The following COQ7 variants were observed in gnomAD, a reference collection of about 807,000 sequenced individuals.
The protein encoded by COQ7 is coenzyme Q7, hydroxylase.
A neutral mutation model predicts 25.0 loss-of-function variants in COQ7; 21 were observed. The ratio of observed to expected loss-of-function variants is 0.84; its 90% CI spans 0.60 to 1.21. The LOEUF (loss-of-function observed/expected upper bound fraction) is 1.21. Ranked by LOEUF, COQ7 falls within the 50% of genes most tolerant of loss-of-function variation. The probability of loss-of-function intolerance (pLI) is 0.00; values close to 1 mark genes in which losing one functional copy is unlikely to be tolerated. For missense variants in COQ7, 311 were observed against 296.2 expected (o/e 1.05, Z -0.37); for synonymous variants, 125 against 112.4 (o/e 1.11, Z -0.71).
chr16:19,075,953 G>A, intron 4 of COQ7, 93 bp downstream of exon 4: 2 of 1,533,684 alleles, frequency 1.3e-6, no homozygotes, highest in Non-Finnish European at 1.8e-6. Context: ...ATTGTTAGGG[G>A]ATGATGGGGG....
intron 2 of COQ7, among the ~76,000 whole-genome samples, chr16:19,072,951 G>A (rs752606769): frequency 6.6e-6 from 1 of 152,066 alleles, no homozygotes. Context: ...CCAATGGATC[G>A]CTTGAGCCCA....
At chr16:19,071,411 C>T (rs908449994) in intron 1 of COQ7, among the ~76,000 whole-genome samples, 1 of 152,266 alleles carries the variant, frequency 6.6e-6, no homozygotes, top group African/African-American at 2.4e-5. Flanking sequence ...GTTAGGATTA[C>T]AGGCATGAGC....
downstream of COQ7, among the ~76,000 whole-genome samples, chr16:19,080,948 A>T (rs1963087261): frequency 6.6e-6 from 1 of 152,174 alleles, no homozygotes; most frequent in African/African-American, 2.4e-5. Context: ...CAATATCTTT[A>T]GATTGTGATA....
At chr16:19,077,589 G>GTTTTTTTTTTTTTTTTTTTT (rs1413837387) in intron 5 of COQ7, among the ~76,000 whole-genome samples, 1 of 18,608 alleles carries the variant, frequency 5.4e-5, no homozygotes, top group Non-Finnish European at 1.8e-4. Flanking sequence ...TTCCCCAGAA[G>GTTTTTTTTTTTTTTTTTTTT]CTTTTTTTTT....
In COQ7 at chr16:19,067,624, A is replaced by C; in HGVS notation, c.-41A>C. On this transcript the variant is annotated 5_prime_UTR_variant, in exon 1 of 6. Transcript: ENST00000321998. ...GTCCGAGCCAAGGGCACTATTGGCC[A>C]GTTCCGTTCAACGAAGTGGTTGCTT... 14 of 1,612,074 alleles carry C rather than the reference A, an allele frequency of 8.7e-6. No homozygotes were observed. The highest frequency in any genetic ancestry group is 1.2e-5 in the Non-Finnish European group (14 of 1,178,310).
rs60523088 is a variant in COQ7, at chr16:19,077,590, C to CTTTTTTTTTT, written c.576+221_576+230dup. On this transcript the variant is annotated intron_variant, in intron 5 of 5. Coordinates refer to ENST00000321998, the MANE Select transcript of COQ7 (RefSeq NM_016138.5). ...TATGCCTTCTCCTTTTCCCCAGAAG[C>CTTTTTTTTTT]TTTTTTTTTTTTTTCCCAGACACAG... 3.4e-4 allele frequency among the ~76,000 whole-genome samples: 25 copies of CTTTTTTTTTT among 74,398 alleles called. 4 individuals carry two copies. Among genetic ancestry groups the CTTTTTTTTTT allele is most frequent in the Middle Eastern group, 0.011 (1 of 90 alleles). The allele number at this position is 74,398 out of a possible 152,430, so 48.8% of individuals were successfully genotyped here.
chr16:19,077,580 T>C (rs1442856274), intron 5 of COQ7, among the ~76,000 whole-genome samples: 1 of 150,568 alleles, frequency 6.6e-6, no homozygotes, highest in Non-Finnish European at 1.5e-5. Context: ...CTTCTCCTTT[T>C]CCCCAGAAGC....
chr16:19,067,805 T>A (rs1182135769), intron 1 of COQ7, 68 bp downstream of exon 1: 10 of 1,568,916 alleles, frequency 6.4e-6, no homozygotes, highest in Non-Finnish European at 6.8e-6. Flanking sequence ...GCTTGAGGTT[T>A]GGGTCGAAGA....
intron 1 of COQ7, among the ~76,000 whole-genome samples, chr16:19,070,814 G>A (rs1435411241): frequency 2.0e-5 from 3 of 151,744 alleles, no homozygotes; most frequent in Non-Finnish European, 4.4e-5. Context: ...TGACCCTTAG[G>A]TCACTATTTT....
intron 1 of COQ7, chr16:19,068,359 A>C (rs906939832): frequency 1.4e-4 from 142 of 989,992 alleles, no homozygotes; most frequent in Non-Finnish European, 1.7e-4. Context: ...TGCCTTAGAA[A>C]ATTGTCATGA....
In COQ7 at chr16:19,077,603, T is replaced by TTTTTTTTTTTTTTTTTTTTC. The variant is rs1001368417; in HGVS notation, c.576+230_576+231insTTTTTTTTTTTTTTTTTTCT. On this transcript the variant is annotated intron_variant, in intron 5 of 5. Coordinates refer to ENST00000321998, the MANE Select transcript of COQ7 (RefSeq NM_016138.5). The stretch of plus-strand genomic sequence containing the variant: ...TTTCCCCAGAAGCTTTTTTTTTTTT[T>TTTTTTTTTTTTTTTTTTTTC]TCCCAGACACAGTCTCACTCTGTCT... Among the ~76,000 whole-genome samples the TTTTTTTTTTTTTTTTTTTTC allele has an allele frequency of 5.6e-5, 8 of 142,332 alleles. 1 individual carries two copies. The highest frequency in any genetic ancestry group is 1.1e-4 in the Non-Finnish European group (7 of 64,596). The allele number at this position is 142,332 out of a possible 152,430, so 93.4% of individuals were successfully genotyped here.
In COQ7 at chr16:19,074,046, C is replaced by G; in HGVS notation, c.367+11C>G. Reference sequence around the variant, plus strand: ...TGGGGTTTGCACTGGGTACGTGTCTCTCTAGAAGAGCTTATGCAAGCTTGG... The same window carrying G: ...TGGGGTTTGCACTGGGTACGTGTCTGTCTAGAAGAGCTTATGCAAGCTTGG... On this transcript the variant is annotated intron_variant, in intron 3 of 5. Transcript: ENST00000321998. The G allele has an allele frequency of 6.3e-7, 1 of 1,597,240 alleles. No individual in the cohort carries two copies. Among genetic ancestry groups the G allele is most frequent in the Non-Finnish European group, 8.6e-7 (1 of 1,167,050 alleles).
intron 1 of COQ7, chr16:19,068,428 G>A: frequency 1.0e-6 from 1 of 981,580 alleles, no homozygotes; most frequent in South Asian, 4.5e-5. Flanking sequence ...GAGGCTGGAG[G>A]ATCCCCTGAG....
At chr16:19,069,471 C>T (rs1405191997) in intron 1 of COQ7, among the ~76,000 whole-genome samples, 10 of 134,298 alleles carry the variant, frequency 7.4e-5, no homozygotes, top group Admixed American at 2.6e-4. Flanking sequence ...AGTGCAGTGG[C>T]GCGATCTCAG....
At chr16:19,076,924 T>G (rs1023604932) in intron 4 of COQ7, among the ~76,000 whole-genome samples, 1 of 152,212 alleles carries the variant, frequency 6.6e-6, no homozygotes, top group Non-Finnish European at 1.5e-5. Flanking sequence ...TCTGAGCAGA[T>G]GCTGTGAGCA....
At chr16:19,073,320 A>AAAAAC (rs1398030971) in intron 2 of COQ7, among the ~76,000 whole-genome samples, 1 of 147,130 alleles carries the variant, frequency 6.8e-6, no homozygotes, top group Non-Finnish European at 1.5e-5. Context: ...AAAAAACAAA[A>AAAAAC]AAAACCGCAC....
rs1441723432 is a variant in COQ7 at position 19,079,509 on chromosome 16, C to A, written c.*1351C>A. Reference sequence around the variant, plus strand: ...TGAAAAACCTAGATCAGTGGATCTCCTCTCTGGCTGCCCATTAGAATGTCC... The same window carrying A: ...TGAAAAACCTAGATCAGTGGATCTCATCTCTGGCTGCCCATTAGAATGTCC... On this transcript the variant is annotated 3_prime_UTR_variant, in exon 6 of 6. Transcript: ENST00000321998. 6.6e-6 allele frequency: 1 copy of A among 151,602 alleles called. No individual in the cohort carries two copies. The highest frequency in any genetic ancestry group is 2.4e-5 in the African/African-American group (1 of 41,232). The allele number at this position is 151,602 out of a possible 1,614,324, so 9.4% of individuals were successfully genotyped here. A position where few individuals can be genotyped will look rare whatever the true frequency, so the allele number is the denominator to read the frequency against.
chr16:19,077,705 CCTCCCAAGTAGCT>C (rs1962934534), intron 5 of COQ7, among the ~76,000 whole-genome samples: 1 of 150,224 alleles, frequency 6.7e-6, no homozygotes, highest in South Asian at 2.1e-4. Context: ...TCTGCCTCAG[CCTCCCAAGTAGCT>C]GGGATGACAG....
rs1371715635 is a variant in COQ7, at chr16:19,077,194, A to G, written c.508-112A>G. 5.5e-5 allele frequency: 48 copies of G among 866,384 alleles called. 1 individual carries two copies. The highest frequency in any genetic ancestry group is 1.9e-4 in the South Asian group (13 of 69,386). The allele number at this position is 866,384 out of a possible 1,614,324, so 53.7% of individuals were successfully genotyped here. On this transcript the variant is annotated intron_variant, in intron 4 of 5. Coordinates refer to ENST00000321998, the MANE Select transcript of COQ7 (RefSeq NM_016138.5). ...TTTACTCTCTGGCCCTTTAGAGGAAAAGCTGGCCTCCCTGTCTTAGGCCAT... is the reference window on the plus strand; with the variant it reads ...TTTACTCTCTGGCCCTTTAGAGGAAGAGCTGGCCTCCCTGTCTTAGGCCAT...
Sources: gnomAD v4.1 joint callset for allele counts (sites outside exome capture counted in the v4.1 genomes callset) on GRCh38, gnomAD v4.1.1 for gene constraint, MANE v1.5 for transcripts, NCBI Gene and HGNC (gene_info 2026-07-23, HGNC 2026-07-21) for gene names.